Variants in ZNF398 observed in about 807,000 individuals in gnomAD.
The protein encoded by ZNF398 is zinc finger protein 398, also known as zinc finger DNA binding protein ZER6.
In ZNF398, 18 loss-of-function variants were observed where a neutral mutation model predicts 41.9. The ratio of observed to expected loss-of-function variants is 0.43; its 90% CI spans 0.30 to 0.64. ZNF398 has a LOEUF of 0.64. Ranked by LOEUF, ZNF398 falls within the 30% of genes least tolerant of loss-of-function variation. The pLI is 0.14. For synonymous variants in ZNF398, 260 were observed against 308.8 expected (o/e 0.84, Z 1.66); for missense variants, 669 against 822.8 (o/e 0.81, Z 2.29).
intron 4 of ZNF398, among the ~76,000 whole-genome samples, chr7:149,169,374 C>T (rs894792158): frequency 2.0e-5 from 3 of 152,176 alleles, no homozygotes; most frequent in East Asian, 1.9e-4. Flanking sequence ...CATGAGCCAC[C>T]GTGCCTGGCC....
chr7:149,179,279 C>T lies in ZNF398; in HGVS notation c.1407C>T (p.Ser469=). The change falls in exon 6 of 6, where the codon AGC becomes AGT. Residue 469 remains serine (S), a synonymous_variant. Coordinates refer to ENST00000475153, the MANE Select transcript of ZNF398 (RefSeq NM_170686.3). This position sits in a 1 kb window ranked among gnomAD's most constrained non-coding sequence, Gnocchi z 6.1. ...GCAGGAGCTTCAGCTTGAAAATCAGCCTCCTGCTCCACCAGCGGGGTCATG... is the reference window on the plus strand; with the variant it reads ...GCAGGAGCTTCAGCTTGAAAATCAGTCTCCTGCTCCACCAGCGGGGTCATG... ...QCGRSFSLKI[S]LLLHQRGHAQ... 6.2e-7 allele frequency: 1 copy of T among 1,613,162 alleles called. No homozygotes were observed. Among genetic ancestry groups the T allele is most frequent in the South Asian group, 1.1e-5 (1 of 91,074 alleles).
At chr7:149,157,392 G>A (rs1439952976) in intron 2 of ZNF398, among the ~76,000 whole-genome samples, 3 of 151,680 alleles carry the variant, frequency 2.0e-5, no homozygotes, top group Non-Finnish European at 2.9e-5. Context: ...AAAATTAGCC[G>A]GGCGTGGTGG....
chr7:149,166,693 T>C, intron 3 of ZNF398, 124 bp from the exon 4 acceptor site: 1 of 635,256 alleles, frequency 1.6e-6, no homozygotes, highest in Admixed American at 2.9e-5. Context: ...GAAGAAGTGA[T>C]ATGAAATCTA....
At chr7:149,145,449 G>A (rs1422345450), upstream of ZNF398, among the ~76,000 whole-genome samples, 2 of 152,156 alleles carry the variant, frequency 1.3e-5, no homozygotes, top group African/African-American at 2.4e-5. Context: ...TGTTCCTATA[G>A]ATAGGATTTC....
At chr7:149,155,697 A>T (rs1270571752) in intron 2 of ZNF398, among the ~76,000 whole-genome samples, 5 of 29,876 alleles carry the variant, frequency 1.7e-4, no homozygotes, top group African/African-American at 3.5e-4. Flanking sequence ...ATATATATAT[A>T]TATATATATA....
chr7:149,154,223 C>CCTGCTGCAGGAGTACGGG lies in ZNF398; in HGVS notation c.313_330dup (p.Glu105_Gln110dup). 1 of 1,614,144 alleles carries CCTGCTGCAGGAGTACGGG rather than the reference C, an allele frequency of 6.2e-7. No individual in the cohort carries two copies. The highest frequency in any genetic ancestry group is 8.5e-7 in the Non-Finnish European group (1 of 1,180,034). On this transcript the variant is annotated inframe_insertion, in exon 2 of 6. Transcript: ENST00000475153. Reference sequence around the variant, plus strand: ...AGGGCAAGTGGGCCGTGCTGGGAACCCTGCTGCAGGAGTACGGGCTGCTGC... The same window carrying CCTGCTGCAGGAGTACGGG: ...AGGGCAAGTGGGCCGTGCTGGGAACCCTGCTGCAGGAGTACGGGCTGCTGCAGGAGTACGGGCTGCTGC...
exon 1 of ZNF398, chr7:149,126,615 G>A (rs1380229211): frequency 3.6e-6 from 1 of 279,102 alleles, no homozygotes; most frequent in Admixed American, 5.5e-5. Flanking sequence ...GCGACTGGGA[G>A]ACGCGCTCCA....
At chr7:149,150,420 G>A (rs1475290030) in intron 1 of ZNF398, among the ~76,000 whole-genome samples, 1 of 152,084 alleles carries the variant, frequency 6.6e-6, no homozygotes, top group Non-Finnish European at 1.5e-5. Flanking sequence ...GCAATATGGT[G>A]AAACCCTGTC....
At position 149,179,676 on chromosome 7, in the gene ZNF398, G is replaced by C. The variant is rs201259661; in HGVS notation, c.1804G>C (p.Gly602Arg). Residue 602 changes from glycine to arginine, a missense_variant, in exon 6 of 6, where the codon GGT (glycine) becomes CGT (arginine). Gly to Arg is a moderately radical substitution (Grantham distance 125). Coordinates refer to ENST00000475153, the MANE Select transcript of ZNF398 (RefSeq NM_170686.3). This position sits in a 1 kb window ranked among gnomAD's most constrained non-coding sequence, Gnocchi z 6.1. ...CTGTGGGGGTGATAGTGACCCATCA[G>C]GTCAGCCACCCAACCCACCAGGTCC... ...GGCGGDSDPS[G>R]QPPNPPGPLI... The C allele has an allele frequency of 1.2e-6, 2 of 1,614,222 alleles. No homozygotes were observed. Among genetic ancestry groups the C allele is most frequent in the Non-Finnish European group, 1.7e-6 (2 of 1,180,036 alleles).
Position 149,182,276 on chromosome 7 carries a change from C to T in ZNF398, c.*2475C>T, listed in dbSNP as rs1212900523. ...ACGAAAGGCGATGTGCAAGGCCATC[C>T]CAGAGAGACGGAAGCAGGTGCGATA... On this transcript the variant is annotated 3_prime_UTR_variant, in exon 6 of 6. Coordinates refer to ENST00000475153, the MANE Select transcript of ZNF398 (RefSeq NM_170686.3). 6.6e-6 allele frequency: 1 copy of T among 152,074 alleles called. No homozygotes were observed. The highest frequency in any genetic ancestry group is 1.5e-5 in the Non-Finnish European group (1 of 68,022). 9.4% of individuals were successfully genotyped at this position (152,074 alleles called of 1,614,324 possible). A position where few individuals can be genotyped will look rare whatever the true frequency, so the allele number is the denominator to read the frequency against.
chr7:149,157,799 C>CG (rs1563160414), intron 2 of ZNF398, among the ~76,000 whole-genome samples: 2 of 144,610 alleles, frequency 1.4e-5, no homozygotes, highest in African/African-American at 5.2e-5. Context: ...GATCGTGCCA[C>CG]TGCACTCCAG....
At chr7:149,172,438 G>A (rs1795364829) in intron 4 of ZNF398, among the ~76,000 whole-genome samples, 1 of 151,994 alleles carries the variant, frequency 6.6e-6, no homozygotes, top group Non-Finnish European at 1.5e-5. Flanking sequence ...CTTATGTTAA[G>A]TACCCCGCGC....
chr7:149,155,618 T>C (rs1242997906), intron 2 of ZNF398, among the ~76,000 whole-genome samples: 1 of 151,172 alleles, frequency 6.6e-6, no homozygotes, highest in Admixed American at 6.6e-5. Context: ...GAAAGGAATT[T>C]GGATTTTTAA....
At chr7:149,127,904 TC>T (rs1826520119) in intron 1 of ZNF398, among the ~76,000 whole-genome samples, 1 of 152,128 alleles carries the variant, frequency 6.6e-6, no homozygotes, top group South Asian at 2.1e-4. Context: ...GGTCACTCCC[TC>T]CGACACCTGG....
In ZNF398 at chr7:149,179,127, G is replaced by A. The variant is rs1294726982; in HGVS notation, c.1255G>A (p.Val419Ile). Residue 419 changes from valine (V) to isoleucine (I), a missense_variant, in exon 6 of 6, where the codon GTC becomes ATC. Coordinates refer to ENST00000475153, the MANE Select transcript of ZNF398 (RefSeq NM_170686.3). The surrounding 1 kb of genome is among the most constrained non-coding windows in gnomAD (Gnocchi z 6.1). Reference sequence around the variant, plus strand: ...ATCAAGACTTACCTACCATCTTCGGGTCCATAACAGCACTGAGCGTCCTTT... The same window carrying A: ...ATCAAGACTTACCTACCATCTTCGGATCCATAACAGCACTGAGCGTCCTTT... ...HPSRLTYHLR[V>I]HNSTERPFPC... The A allele has an allele frequency of 1.2e-6, 2 of 1,613,956 alleles. No homozygotes were observed. The highest frequency in any genetic ancestry group is 1.3e-5 in the African/African-American group (1 of 74,944).
chr7:149,148,639 CT>C (rs200063020), intron 1 of ZNF398: 39 of 232,634 alleles, frequency 1.7e-4, no homozygotes, highest in Non-Finnish European at 2.5e-4. Flanking sequence ...TTTTTCCAAC[CT>C]TTTTTTTTGT....
At chr7:149,165,648 G>A (rs1358085030) in intron 2 of ZNF398, among the ~76,000 whole-genome samples, 1 of 152,172 alleles carries the variant, frequency 6.6e-6, no homozygotes, top group Non-Finnish European at 1.5e-5. Flanking sequence ...AATCAATCCT[G>A]TTTGCTCTCA....
intron 2 of ZNF398, among the ~76,000 whole-genome samples, chr7:149,136,218 G>T (rs1826709598): frequency 6.6e-6 from 1 of 152,134 alleles, no homozygotes; most frequent in Admixed American, 6.6e-5. Context: ...ATGCAAACTT[G>T]GGGAGGGCGT....
intron 1 of ZNF398, among the ~76,000 whole-genome samples, chr7:149,127,656 G>T (rs998386607): frequency 1.6e-4 from 24 of 151,848 alleles, no homozygotes; most frequent in Non-Finnish European, 3.2e-4. Context: ...GGCGGAGCTT[G>T]CAGTGAGCCG....
Sources: allele counts gnomAD v4.1 joint callset (sites outside exome capture counted in the v4.1 genomes callset), GRCh38; gene constraint gnomAD v4.1.1; non-coding constraint Gnocchi (gnomAD v3.1); transcripts MANE v1.5; gene names NCBI Gene and HGNC (gene_info 2026-07-23, HGNC 2026-07-21).